The following AGAP3 variants were observed in gnomAD, a reference collection of about 807,000 sequenced individuals.
The protein encoded by AGAP3 is ArfGAP with GTPase domain, ankyrin repeat and PH domain 3, also known as arf-GAP with GTPase, ANK repeat and PH domain-containing protein 3.
A neutral mutation model predicts 96.9 loss-of-function variants in AGAP3; 24 were observed. That is an observed-to-expected ratio of 0.25 (90% CI 0.18 to 0.35). AGAP3 has a LOEUF of 0.35. Ranked by LOEUF, AGAP3 falls within the 10% of genes least tolerant of loss-of-function variation. The pLI is 1.00. For synonymous variants in AGAP3, 563 were observed against 536.1 expected, an observed-to-expected ratio of 1.05 and a Z score of -0.69; for missense variants, 876 against 1,254.2, an observed-to-expected ratio of 0.70 and a Z score of 4.55.
chr7:151,127,364 C>G (rs926706268), intron 9 of AGAP3, among the ~76,000 whole-genome samples: 13 of 152,184 alleles, frequency 8.5e-5, no homozygotes, highest in African/African-American at 2.9e-4. Context: ...GCCCCCTCCT[C>G]TAAGTATGGG....
intron 1 of AGAP3, among the ~76,000 whole-genome samples, chr7:151,111,585 C>T (rs187445736): frequency 1.9e-3 from 287 of 151,880 alleles, no homozygotes; most frequent in African/African-American, 6.6e-3. Flanking sequence ...CCCGGCCCCT[C>T]ACCCCCCTGT....
chr7:151,093,977 G>A (rs1323964738), intron 1 of AGAP3, among the ~76,000 whole-genome samples: 1 of 152,190 alleles, frequency 6.6e-6, no homozygotes, highest in Non-Finnish European at 1.5e-5. Flanking sequence ...GGGTCCCTGA[G>A]ATCTGTTCTG....
intron 8 of AGAP3, chr7:151,122,823 G>C (rs1482994774): frequency 6.2e-7 from 1 of 1,612,866 alleles, no homozygotes; most frequent in Admixed American, 1.7e-5. Flanking sequence ...CTCTGGACAT[G>C]CCCCCTGTGC....
chr7:151,141,969 G>T lies in AGAP3; in HGVS notation c.1876G>T (p.Ala626Ser). Reference protein sequence around the residue: ...GQTWHFEASTAEERELWVQSV... With the variant: ...GQTWHFEASTSEERELWVQSV... Reference sequence around the variant, plus strand: ...GACGTGGCACTTCGAGGCTTCAACGGCGGAGGAGCGGGAGCTGTGGGTTCA... The same window carrying T: ...GACGTGGCACTTCGAGGCTTCAACGTCGGAGGAGCGGGAGCTGTGGGTTCA... Residue 626 changes from alanine (A) to serine (S), a missense_variant, in exon 14 of 18, where the codon GCG becomes TCG. This residue lies in a region of AGAP3 where 103 missense variants were observed against 183.0 expected (regional missense o/e 0.56). Transcript: ENST00000397238. This position sits in a 1 kb window ranked among gnomAD's most constrained non-coding sequence, Gnocchi z 4.2. 8 of 1,614,204 alleles carry T rather than the reference G, an allele frequency of 5.0e-6. No individual in the cohort carries two copies. The highest frequency in any genetic ancestry group is 6.8e-6 in the Non-Finnish European group (8 of 1,180,034).
intron 1 of AGAP3, among the ~76,000 whole-genome samples, chr7:151,111,280 T>C (rs1255339006): frequency 6.6e-6 from 1 of 152,190 alleles, no homozygotes. Flanking sequence ...GCCACGGTGG[T>C]TCTGGGACCA....
chr7:151,115,507 C>T lies in AGAP3; in HGVS notation c.332-1286C>T, dbSNP rs1215659092. 3.9e-6 allele frequency: 4 copies of T among 1,025,548 alleles called. No individual in the cohort carries two copies. The African/African-American group carries it at 6.9e-5, about 18-fold the overall frequency. The allele number at this position is 1,025,548 out of a possible 1,614,324, so 63.5% of individuals were successfully genotyped here. On this transcript the variant is annotated intron_variant, in intron 1 of 17. Coordinates refer to ENST00000397238, the MANE Select transcript of AGAP3 (RefSeq NM_031946.7). ...GACGCCCCGCGCGCAGCGCCGGAGC[C>T]CGGCCGCCCCCGCACCGCCGCCGGC...
chr7:151,112,537 G>A (rs1043163694), intron 1 of AGAP3, among the ~76,000 whole-genome samples: 5 of 151,652 alleles, frequency 3.3e-5, no homozygotes, highest in East Asian at 1.9e-4. Flanking sequence ...ATCCCCTGTC[G>A]GATACCGTGT....
chr7:151,103,399 C>T lies in AGAP3; in HGVS notation c.332-13394C>T, dbSNP rs1442234320. Among the ~76,000 whole-genome samples, 4 of 152,292 alleles carry T rather than the reference C, an allele frequency of 2.6e-5. No homozygotes were observed. In the South Asian group the frequency reaches 6.2e-4, roughly 24 times the overall value. On this transcript the variant is annotated intron_variant, in intron 1 of 17. Transcript: ENST00000397238. ...TCTTGGGATGAGAGATCCTCTTAAG[C>T]GGACAGAAAACCCAGAATTTATAGA...
chr7:151,101,578 G>A (rs749862544), intron 1 of AGAP3, among the ~76,000 whole-genome samples: 42 of 152,182 alleles, frequency 2.8e-4, no homozygotes, highest in Non-Finnish European at 3.5e-4. Flanking sequence ...TGTCCTGCCC[G>A]TGAGCAAAGC....
In AGAP3 at chr7:151,116,978, C is replaced by G. The variant is rs1799620899; in HGVS notation, c.391-117C>G. On this transcript the variant is annotated intron_variant, in intron 2 of 17. Coordinates refer to ENST00000397238, the MANE Select transcript of AGAP3 (RefSeq NM_031946.7). ...TGCTCAGCTTGGCCCTCTCTGCCCT[C>G]TCTCCTCCCCTTCAGCCCTGGCCTT... 3 of 1,472,278 alleles carry G rather than the reference C, an allele frequency of 2.0e-6. No individual in the cohort carries two copies. In the Admixed American group the frequency reaches 5.1e-5, roughly 25 times the overall value. 91.2% of individuals were successfully genotyped at this position (1,472,278 alleles called of 1,614,324 possible).
Position 151,117,719 on chromosome 7 carries a change from G to A in AGAP3, c.648G>A (p.Leu216=), listed in dbSNP as rs777756908. 1 of 1,614,200 alleles carries A rather than the reference G, an allele frequency of 6.2e-7. No individual in the cohort carries two copies. The highest frequency in any genetic ancestry group is 2.2e-5 in the East Asian group (1 of 44,882). Residue 216 remains leucine (L), a synonymous_variant, in exon 5 of 18, where the codon CTG becomes CTA. Transcript: ENST00000397238. ...TCCAGACGGTGTACAACTACTTCCTGCGTCTCTGCAGCTTCCGCAACGCCA... is the reference window on the plus strand; with the variant it reads ...TCCAGACGGTGTACAACTACTTCCTACGTCTCTGCAGCTTCCGCAACGCCA... The part of the protein sequence containing the change: ...ISFQTVYNYF[L]RLCSFRNASE...
At chr7:151,093,842 C>T (rs1234920684) in intron 1 of AGAP3, among the ~76,000 whole-genome samples, 5 of 152,162 alleles carry the variant, frequency 3.3e-5, no homozygotes, top group African/African-American at 4.8e-5. Flanking sequence ...GCTCTGGGTG[C>T]GTCTTCTGAG....
intron 1 of AGAP3, among the ~76,000 whole-genome samples, chr7:151,087,528 G>T (rs1461927709): frequency 6.6e-6 from 1 of 152,074 alleles, no homozygotes; most frequent in Non-Finnish European, 1.5e-5. Context: ...GGAGGGTGGC[G>T]CTCGCCGCGG....
At chr7:151,097,862 C>T (rs1175494987) in intron 1 of AGAP3, among the ~76,000 whole-genome samples, 1 of 152,168 alleles carries the variant, frequency 6.6e-6, no homozygotes. Flanking sequence ...AAAATATTCT[C>T]ATTTCAGCAT....
intron 1 of AGAP3, among the ~76,000 whole-genome samples, chr7:151,089,296 A>G (rs530111829): frequency 4.3e-4 from 65 of 152,158 alleles, no homozygotes; most frequent in African/African-American, 1.5e-3. Flanking sequence ...GAGGAGGGAG[A>G]GGCGCAGACT....
At position 151,118,035 on chromosome 7, in the gene AGAP3, C is replaced by A; in HGVS notation, c.707-175C>A. 1.1e-6 allele frequency: 1 copy of A among 942,098 alleles called. No homozygotes were observed. Among genetic ancestry groups the A allele is most frequent in the Non-Finnish European group, 1.6e-6 (1 of 637,532 alleles). 58.4% of individuals were successfully genotyped at this position (942,098 alleles called of 1,614,324 possible). ...CAGAGCTTAAGTGCTTGCTGGTTTG[C>A]ACTCAGTGAGGCCATGGAAGGGTTG... On this transcript the variant is annotated intron_variant, in intron 5 of 17. Transcript: ENST00000397238. The surrounding 1 kb of genome is among the most constrained non-coding windows in gnomAD (Gnocchi z 6.1).
At chr7:151,120,681 G>A (rs1563484686) in intron 8 of AGAP3, 1 of 1,261,118 alleles carries the variant, frequency 7.9e-7, no homozygotes, top group Non-Finnish European at 1.0e-6. Context: ...CGCTGTGATT[G>A]GTTTAACAAA....
rs1039185905 is a variant in AGAP3, at chr7:151,115,629, C to T, written c.332-1164C>T. ...GGCGGCTGCGGCCCCGGAGCTCCTGCGCGCGCCCAGCGGTAAGGGGGCGGG... is the reference window on the plus strand; with the variant it reads ...GGCGGCTGCGGCCCCGGAGCTCCTGTGCGCGCCCAGCGGTAAGGGGGCGGG... On this transcript the variant is annotated intron_variant, in intron 1 of 17. Transcript: ENST00000397238. 28 of 1,167,936 alleles carry T rather than the reference C, an allele frequency of 2.4e-5. No homozygotes were observed. In the African/African-American group the frequency reaches 4.0e-4, roughly 17 times the overall value. The allele number at this position is 1,167,936 out of a possible 1,614,324, so 72.3% of individuals were successfully genotyped here.
At chr7:151,136,858 G>A (rs1800613550) in intron 11 of AGAP3, among the ~76,000 whole-genome samples, 1 of 152,164 alleles carries the variant, frequency 6.6e-6, no homozygotes, top group Non-Finnish European at 1.5e-5. Context: ...TGTGCACCCC[G>A]GAAGGTTTCC....
Sources: allele counts gnomAD v4.1 joint callset (sites outside exome capture counted in the v4.1 genomes callset), GRCh38; gene constraint gnomAD v4.1.1; regional missense constraint gnomAD v4.1.1; non-coding constraint Gnocchi (gnomAD v3.1); transcripts MANE v1.5; gene names NCBI Gene and HGNC (gene_info 2026-07-23, HGNC 2026-07-21).